RFTN1: variants seen among roughly 807,000 people sequenced by gnomAD.
RFTN1 encodes the protein raftlin, lipid raft linker 1.
A neutral mutation model predicts 46.5 loss-of-function variants in RFTN1; 26 were observed. The ratio of observed to expected loss-of-function variants is 0.56; its 90% confidence interval spans 0.41 to 0.78. RFTN1 has a LOEUF of 0.78. Among genes scored for constraint, RFTN1 ranks in the 30% least tolerant of loss-of-function variants. The probability of loss-of-function intolerance (pLI) is 0.00; values close to 1 mark genes in which losing one functional copy is unlikely to be tolerated. For missense variants in RFTN1, 693 were observed against 718.7 expected, an observed-to-expected ratio of 0.96 and a Z score of 0.41; for synonymous variants, 261 against 284.2, an observed-to-expected ratio of 0.92 and a Z score of 0.82.
chr3:16,507,501 A>G lies in RFTN1; in HGVS notation c.-9+5941T>C, dbSNP rs1426351248. Reference sequence around the variant, plus strand: ...CCCAACTTTCTGAGTAAAATCTATTACAACAGTTCCCCCAAATCTGAGGAA... The same window carrying G: ...CCCAACTTTCTGAGTAAAATCTATTGCAACAGTTCCCCCAAATCTGAGGAA... On this transcript the variant is annotated intron_variant, in intron 1 of 9. Transcript: ENST00000334133. This position sits in a 1 kb window ranked among gnomAD's most constrained non-coding sequence, Gnocchi z 7.1. 6.6e-6 allele frequency among the ~76,000 whole-genome samples: 1 copy of G among 152,174 alleles called. No homozygotes were observed. The highest frequency in any genetic ancestry group is 2.4e-5 in the African/African-American group (1 of 41,430).
intron 2 of RFTN1, among the ~76,000 whole-genome samples, chr3:16,461,025 G>A (rs919663101): frequency 3.9e-5 from 6 of 152,338 alleles, no homozygotes; most frequent in South Asian, 2.1e-4. Flanking sequence ...AGAGGCCCTC[G>A]GGCAGCACAG....
At chr3:16,349,087 C>G (rs1225932942) in intron 7 of RFTN1, 1 of 152,222 alleles carries the variant, frequency 6.6e-6, no homozygotes, top group Non-Finnish European at 1.5e-5. Flanking sequence ...TAAATGTAAT[C>G]TCTTCCCCAT....
In RFTN1 at chr3:16,316,210, C is replaced by T. The variant is rs1408724104; in HGVS notation, c.*618G>A. ...CTTGAACATTCTGCAAAAGTAGGTG[C>T]AGAGACAGAATTACTTCTTCATTTC... On this transcript the variant is annotated 3_prime_UTR_variant, in exon 10 of 10. Transcript: ENST00000334133. The surrounding 1 kb of genome is among the most constrained non-coding windows in gnomAD (Gnocchi z 4.5). The T allele has an allele frequency of 6.5e-6, 1 of 153,952 alleles. No individual in the cohort carries two copies. The highest frequency in any genetic ancestry group is 2.4e-5 in the African/African-American group (1 of 41,460). The allele number at this position is 153,952 out of a possible 1,614,324, so 9.5% of individuals were successfully genotyped here.
chr3:16,320,048 C>T lies in RFTN1; in HGVS notation c.1333-2816G>A, dbSNP rs2068868809. 6.6e-6 allele frequency among the ~76,000 whole-genome samples: 1 copy of T among 152,232 alleles called. No individual in the cohort carries two copies. The highest frequency in any genetic ancestry group is 2.4e-5 in the African/African-American group (1 of 41,462). On this transcript the variant is annotated intron_variant, in intron 9 of 9. Coordinates refer to ENST00000334133, the MANE Select transcript of RFTN1 (RefSeq NM_015150.2). This position sits in a 1 kb window ranked among gnomAD's most constrained non-coding sequence, Gnocchi z 4.5. Reference sequence around the variant, plus strand: ...AATTAGCCGCCCAATTCAGAAATAACTGTCTAAAAGAAAAAAAGAAATCCT... The same window carrying T: ...AATTAGCCGCCCAATTCAGAAATAATTGTCTAAAAGAAAAAAAGAAATCCT...
In RFTN1 at chr3:16,424,058, G is replaced by A. The variant is rs535946413; in HGVS notation, c.332+9793C>T. Among the ~76,000 whole-genome samples the A allele has an allele frequency of 4.4e-4, 67 of 152,272 alleles. No individual in the cohort carries two copies. The highest frequency in any genetic ancestry group is 1.5e-3 in the African/African-American group (61 of 41,540). ...AAGTGGTTTGCAGTTGTAGCCCTAT[G>A]TTCTGAAACCAGCTGGGGAATTAGC... On this transcript the variant is annotated intron_variant, in intron 3 of 9. Coordinates refer to ENST00000334133, the MANE Select transcript of RFTN1 (RefSeq NM_015150.2). The surrounding 1 kb of genome is among the most constrained non-coding windows in gnomAD (Gnocchi z 4.7).
Position 16,402,143 on chromosome 3 carries a change from G to T in RFTN1, c.441+7232C>A, listed in dbSNP as rs1393732750. Among the ~76,000 whole-genome samples the T allele has an allele frequency of 2.0e-5, 3 of 152,084 alleles. No individual in the cohort carries two copies. Among genetic ancestry groups the T allele is most frequent in the Non-Finnish European group, 4.4e-5 (3 of 68,006 alleles). ...CAGGGCTCCTCATGCTGTGTTCTTG[G>T]TCCTTACAGATGACCCCATCTCACA... On this transcript the variant is annotated intron_variant, in intron 4 of 9. Coordinates refer to ENST00000334133, the MANE Select transcript of RFTN1 (RefSeq NM_015150.2). The surrounding 1 kb of genome is among the most constrained non-coding windows in gnomAD (Gnocchi z 4.5).
In RFTN1 at chr3:16,498,760, G is replaced by A. The variant is rs1484064966; in HGVS notation, c.-8-4883C>T. Among the ~76,000 whole-genome samples the A allele has an allele frequency of 6.6e-6, 1 of 152,008 alleles. No homozygotes were observed. Among genetic ancestry groups the A allele is most frequent in the Non-Finnish European group, 1.5e-5 (1 of 68,006 alleles). On this transcript the variant is annotated intron_variant, in intron 1 of 9. Transcript: ENST00000334133. This position sits in a 1 kb window ranked among gnomAD's most constrained non-coding sequence, Gnocchi z 5.2. The stretch of plus-strand genomic sequence containing the variant: ...ACCGGCATTCCTTTCATTTCGCCCT[G>A]GATTCTTCCACCAACTCCCACCCCT...
At chr3:16,368,381 C>A (rs955542243) in intron 6 of RFTN1, among the ~76,000 whole-genome samples, 1 of 152,136 alleles carries the variant, frequency 6.6e-6, no homozygotes, top group Non-Finnish European at 1.5e-5. Context: ...ATTAAAGACA[C>A]GTATATTCGG....
intron 4 of RFTN1, among the ~76,000 whole-genome samples, chr3:16,390,857 A>C (rs1313138995): frequency 6.6e-6 from 1 of 152,234 alleles, no homozygotes; most frequent in East Asian, 1.9e-4. Flanking sequence ...TGAACGATGA[A>C]TAGTTCATCA....
At chr3:16,420,203 A>G (rs1037469223) in intron 3 of RFTN1, among the ~76,000 whole-genome samples, 1 of 152,206 alleles carries the variant, frequency 6.6e-6, no homozygotes. Flanking sequence ...AAGAATTTCA[A>G]TGCCCAGTGA....
Position 16,402,742 on chromosome 3 carries a change from T to G in RFTN1, c.441+6633A>C, listed in dbSNP as rs1275805986. 6.6e-6 allele frequency among the ~76,000 whole-genome samples: 1 copy of G among 152,140 alleles called. No individual in the cohort carries two copies. Among genetic ancestry groups the G allele is most frequent in the East Asian group, 1.9e-4 (1 of 5,190 alleles). On this transcript the variant is annotated intron_variant, in intron 4 of 9. Coordinates refer to ENST00000334133, the MANE Select transcript of RFTN1 (RefSeq NM_015150.2). This position sits in a 1 kb window ranked among gnomAD's most constrained non-coding sequence, Gnocchi z 4.5. Reference sequence around the variant, plus strand: ...TTTTCCATCTGTCAAGGTGCTTTCTTTAGGTTGAGGCATAAGTAGCATCAT... The same window carrying G: ...TTTTCCATCTGTCAAGGTGCTTTCTGTAGGTTGAGGCATAAGTAGCATCAT...
chr3:16,328,542 T>G (rs1204395925), intron 7 of RFTN1, among the ~76,000 whole-genome samples: 5 of 152,242 alleles, frequency 3.3e-5, no homozygotes, highest in Non-Finnish European at 2.9e-5. Context: ...CCTTGGCGAC[T>G]AATTTATCCC....
At chr3:16,357,121 A>AAC (rs1553729367) in intron 7 of RFTN1, among the ~76,000 whole-genome samples, 8 of 90,788 alleles carry the variant, frequency 8.8e-5, no homozygotes, top group African/African-American at 4.1e-4. Context: ...TCTCAAAAAA[A>AAC]AAAAAAACAA....
intron 8 of RFTN1, among the ~76,000 whole-genome samples, chr3:16,324,646 T>TTGTGTGTGTGTGTGTGTGTGTGTG (rs71632869): frequency 2.0e-5 from 2 of 100,474 alleles, no homozygotes; most frequent in Non-Finnish European, 3.8e-5. Context: ...TAGTATTCCA[T>TTGTGTGTGTGTGTGTGTGTGTGTG]TGTGTGTGTG....
At position 16,452,889 on chromosome 3, in the gene RFTN1, T is replaced by G. The variant is rs2075843170; in HGVS notation, c.146-18852A>C. 6.6e-6 allele frequency among the ~76,000 whole-genome samples: 1 copy of G among 152,216 alleles called. No individual in the cohort carries two copies. Among genetic ancestry groups the G allele is most frequent in the Admixed American group, 6.5e-5 (1 of 15,282 alleles). ...TAAATGCTGCTTTTTAATCTCCTTT[T>G]TTGAGCAAATGGTTTCAATGTATTT... On this transcript the variant is annotated intron_variant, in intron 2 of 9. Coordinates refer to ENST00000334133, the MANE Select transcript of RFTN1 (RefSeq NM_015150.2). This position sits in a 1 kb window ranked among gnomAD's most constrained non-coding sequence, Gnocchi z 6.3.
At chr3:16,371,818 G>C (rs1461075215) in intron 5 of RFTN1, among the ~76,000 whole-genome samples, 1 of 152,174 alleles carries the variant, frequency 6.6e-6, no homozygotes, top group Admixed American at 6.5e-5. Flanking sequence ...TCTCCAGCCA[G>C]GAAGTACTTT....
rs79989020 is a variant in RFTN1, at chr3:16,512,471, C to T, written c.-9+971G>A. 1.3e-5 allele frequency among the ~76,000 whole-genome samples: 2 copies of T among 151,754 alleles called. No individual in the cohort carries two copies. Among genetic ancestry groups the T allele is most frequent in the East Asian group, 3.9e-4 (2 of 5,164 alleles). ...TTTGTTTTAAGCCCCCGAAGAAACT[C>T]ACTGACACCACCCAGCGTCCCTAGG... On this transcript the variant is annotated intron_variant, in intron 1 of 9. Coordinates refer to ENST00000334133, the MANE Select transcript of RFTN1 (RefSeq NM_015150.2). The surrounding 1 kb of genome is among the most constrained non-coding windows in gnomAD (Gnocchi z 4.3).
At position 16,327,086 on chromosome 3, in the gene RFTN1, G is replaced by C. The variant is rs2069780901; in HGVS notation, c.1147-210C>G. Among the ~76,000 whole-genome samples the C allele has an allele frequency of 6.6e-6, 1 of 152,208 alleles. No individual in the cohort carries two copies. The highest frequency in any genetic ancestry group is 2.4e-5 in the African/African-American group (1 of 41,442). ...GGATTTCCTTCTGGGCCCCATTTCA[G>C]TCTGTGATGTCAGCAAGGAATTACA... is the stretch of plus-strand genomic sequence containing the variant. On this transcript the variant is annotated intron_variant, in intron 7 of 9. Coordinates refer to ENST00000334133, the MANE Select transcript of RFTN1 (RefSeq NM_015150.2). The surrounding 1 kb of genome is among the most constrained non-coding windows in gnomAD (Gnocchi z 4.2).
rs571568602 is a variant in RFTN1, at chr3:16,490,211, AAT to A, written c.145+3512_145+3513del. On this transcript the variant is annotated intron_variant, in intron 2 of 9. Coordinates refer to ENST00000334133, the MANE Select transcript of RFTN1 (RefSeq NM_015150.2). ...CCCTGAGGGAAACACAAATAGGTTT[AAT>A]ATATGATGTAATCAAAATGTCAAAA... is the stretch of plus-strand genomic sequence containing the variant. 2.6e-5 allele frequency among the ~76,000 whole-genome samples: 4 copies of A among 152,362 alleles called. No homozygotes were observed. The South Asian group carries it at 8.3e-4, about 32-fold the overall frequency.
Sources: allele counts gnomAD v4.1 joint callset (sites outside exome capture counted in the v4.1 genomes callset), GRCh38; gene constraint gnomAD v4.1.1; non-coding constraint Gnocchi (gnomAD v3.1); transcripts MANE v1.5; gene names NCBI Gene and HGNC (gene_info 2026-07-23, HGNC 2026-07-21).